TMEM165: variants seen among roughly 807,000 people sequenced by gnomAD.
TMEM165 encodes transmembrane protein 165.
A neutral mutation model predicts 30.0 loss-of-function variants in TMEM165; 19 were observed. The ratio of observed to expected loss-of-function variants is 0.63; its 90% confidence interval spans 0.44 to 0.93. TMEM165 has a LOEUF of 0.93. Among genes scored for constraint, TMEM165 ranks in the 40% least tolerant of loss-of-function variants. The probability of loss-of-function intolerance (pLI) is 0.00; values close to 1 mark genes in which losing one functional copy is unlikely to be tolerated. For synonymous variants in TMEM165, 168 were observed against 162.9 expected (o/e 1.03, Z -0.24); for missense variants, 340 against 417.0 (o/e 0.82, Z 1.61).
At chr4:55,396,789 T>G (rs1472229431) in intron 1 of TMEM165, among the ~76,000 whole-genome samples, 1 of 152,204 alleles carries the variant, frequency 6.6e-6, no homozygotes, top group Non-Finnish European at 1.5e-5. Flanking sequence ...GGCCATTTCA[T>G]TGTTGAAATA....
At chr4:55,401,649 T>C (rs571775165) in intron 1 of TMEM165, among the ~76,000 whole-genome samples, 1 of 150,560 alleles carries the variant, frequency 6.6e-6, no homozygotes, top group East Asian at 1.9e-4. Context: ...CTATTTTCAT[T>C]AAGTTGCAGT....
intron 4 of TMEM165, among the ~76,000 whole-genome samples, chr4:55,420,890 G>T (rs1290103349): frequency 6.6e-6 from 1 of 152,096 alleles, no homozygotes; most frequent in East Asian, 1.9e-4. Context: ...TATCCCTGTC[G>T]TTTTGTTTTT....
At position 55,443,914 on chromosome 4, in the gene TMEM165, ATG is replaced by A. The variant is rs776625251; in HGVS notation, c.409-8323_409-8322del. The A allele has an allele frequency of 4.4e-6, 7 of 1,599,144 alleles. No individual in the cohort carries two copies. The South Asian group carries it at 7.7e-5, about 18-fold the overall frequency. ...AAAAACATCTTTAAAAATAAAGATT[ATG>A]TTAAAATGAGCTTTGTAGATTGAAA... is the stretch of plus-strand genomic sequence containing the variant. On this transcript the variant is annotated intron_variant, in intron 3 of 3. Transcript: ENST00000608091.
In TMEM165 at chr4:55,449,636, C is replaced by G. The variant is rs1486737321; in HGVS notation, c.409-2603C>G. On this transcript the variant is annotated intron_variant, in intron 3 of 3. Transcript: ENST00000608091. ...CATTCAATGAAAGTGAAGTCCATGACAGATGATTCAATGTAGTTACTTCTA... is the reference window on the plus strand; with the variant it reads ...CATTCAATGAAAGTGAAGTCCATGAGAGATGATTCAATGTAGTTACTTCTA... 5.6e-6 allele frequency: 4 copies of G among 714,630 alleles called. No individual in the cohort carries two copies. The Admixed American group carries it at 9.2e-5, about 16-fold the overall frequency. The allele number at this position is 714,630 out of a possible 1,614,324, so 44.3% of individuals were successfully genotyped here.
intron 1 of TMEM165, among the ~76,000 whole-genome samples, chr4:55,405,894 C>T (rs7663749): frequency 6.6e-6 from 1 of 152,196 alleles, no homozygotes. Context: ...CCCAGTTTAT[C>T]TTTCTCATCT....
chr4:55,443,691 G>A (rs1413113025), intron 3 of TMEM165: 2 of 1,613,276 alleles, frequency 1.2e-6, no homozygotes, highest in Non-Finnish European at 1.7e-6. Context: ...CATTACCTGA[G>A]TTGATGTACT....
intron 1 of TMEM165, among the ~76,000 whole-genome samples, chr4:55,405,679 A>G (rs1406438431): frequency 6.6e-6 from 1 of 151,680 alleles, no homozygotes; most frequent in African/African-American, 2.4e-5. Flanking sequence ...TTTTCTTTCC[A>G]TTGTGTGCAG....
chr4:55,417,547 G>T, intron 3 of TMEM165: 2 of 524,096 alleles, frequency 3.8e-6, no homozygotes, highest in East Asian at 6.3e-5. Flanking sequence ...TTCTCCCGTG[G>T]TGTCTAGGAT....
downstream of TMEM165, chr4:55,430,367 C>G (rs1307014571): frequency 6.6e-6 from 1 of 151,972 alleles, no homozygotes; most frequent in African/African-American, 2.4e-5. Context: ...TTAAGAAAAA[C>G]AAGGAATGTA....
chr4:55,439,405 A>C (rs1366601081), intron 3 of TMEM165, among the ~76,000 whole-genome samples: 1 of 152,170 alleles, frequency 6.6e-6, no homozygotes, highest in Non-Finnish European at 1.5e-5. Context: ...AACCTTGTGC[A>C]GTGCTGGTGG....
At chr4:55,417,302 A>G in intron 3 of TMEM165, 55 bp downstream of exon 3, 1 of 1,542,800 alleles carries the variant, frequency 6.5e-7, no homozygotes, top group Non-Finnish European at 8.8e-7. Flanking sequence ...AGGAATAAAC[A>G]CTCTACAGAG....
chr4:55,431,381 C>T lies in TMEM165; in HGVS notation c.408+6738C>T, dbSNP rs1722489262. ...GTTATATACAAATATATTAAATATACTATAAAAATAGTCGATTCTATTCCT... is the reference window on the plus strand; with the variant it reads ...GTTATATACAAATATATTAAATATATTATAAAAATAGTCGATTCTATTCCT... On this transcript the variant is annotated intron_variant, in intron 3 of 3. Transcript: ENST00000608091. 3.9e-5 allele frequency: 6 copies of T among 152,136 alleles called. No individual in the cohort carries two copies. In the South Asian group the frequency reaches 1.2e-3, roughly 32 times the overall value. The allele number at this position is 152,136 out of a possible 1,614,324, so 9.4% of individuals were successfully genotyped here.
At chr4:55,401,368 T>G (rs1210778598) in intron 1 of TMEM165, among the ~76,000 whole-genome samples, 1 of 150,772 alleles carries the variant, frequency 6.6e-6, no homozygotes, top group Non-Finnish European at 1.5e-5. Flanking sequence ...ACTCTTTCCC[T>G]GGACAGAATA....
intron 3 of TMEM165, among the ~76,000 whole-genome samples, chr4:55,447,922 T>C (rs1272831344): frequency 1.3e-5 from 2 of 152,208 alleles, no homozygotes; most frequent in Non-Finnish European, 2.9e-5. Context: ...AGGCACTGAA[T>C]GAGTACAGAG....
chr4:55,409,837 A>G (rs1424158003), intron 1 of TMEM165, among the ~76,000 whole-genome samples: 1 of 152,072 alleles, frequency 6.6e-6, no homozygotes, highest in Non-Finnish European at 1.5e-5. Context: ...GGAGACAGAA[A>G]TCTCTCCTCT....
chr4:55,421,186 AAAG>A (rs1721960671), intron 4 of TMEM165, among the ~76,000 whole-genome samples: 1 of 143,212 alleles, frequency 7.0e-6, no homozygotes, highest in Non-Finnish European at 1.5e-5. Context: ...AAAAAAAAAA[AAAG>A]ACGACTCAGT....
chr4:55,447,104 C>T (rs1723923726), intron 3 of TMEM165, among the ~76,000 whole-genome samples: 1 of 151,490 alleles, frequency 6.6e-6, no homozygotes, highest in Non-Finnish European at 1.5e-5. Flanking sequence ...TGGTGGCTCA[C>T]AGCTGTAATC....
At chr4:55,433,701 CTG>C (rs1272820334) in intron 3 of TMEM165, 1 of 152,078 alleles carries the variant, frequency 6.6e-6, no homozygotes, top group Non-Finnish European at 1.5e-5. Context: ...TGTTCTATCA[CTG>C]TAAATTTCAT....
chr4:55,425,716 G>A lies in TMEM165; in HGVS notation c.*264G>A, dbSNP rs1163140913. 4.4e-5 allele frequency: 14 copies of A among 321,616 alleles called. No individual in the cohort carries two copies. The highest frequency in any genetic ancestry group is 3.0e-4 in the African/African-American group (14 of 46,140). The allele number at this position is 321,616 out of a possible 1,614,324, so 19.9% of individuals were successfully genotyped here. A position where few individuals can be genotyped will look rare whatever the true frequency, so the allele number is the denominator to read the frequency against. On this transcript the variant is annotated 3_prime_UTR_variant, in exon 6 of 6. Coordinates refer to ENST00000381334, the MANE Select transcript of TMEM165 (RefSeq NM_018475.5). ...TGGTCCTCATTTTTCTTTTGGTGCA[G>A]AACCGTTGTGCAGTGGGGTCTACCA...
Sources: gnomAD v4.1 joint callset for allele counts (sites outside exome capture counted in the v4.1 genomes callset) on GRCh38, gnomAD v4.1.1 for gene constraint, MANE v1.5 for transcripts, NCBI Gene and HGNC (gene_info 2026-07-23, HGNC 2026-07-21) for gene names.